The following ADAMTS18 variants were observed in gnomAD, a reference collection of about 807,000 sequenced individuals.
ADAMTS18 encodes A disintegrin and metalloproteinase with thrombospondin motifs 18.
In ADAMTS18, 157 loss-of-function variants were observed where a neutral mutation model predicts 165.9. The ratio of observed to expected loss-of-function variants is 0.95; its 90% confidence interval spans 0.83 to 1.08. The LOEUF is 1.08. ADAMTS18 is among the 50% of genes least tolerant of loss of function. The pLI is 0.00. For missense variants in ADAMTS18, 2,040 were observed against 1,534.0 expected (o/e 1.33, Z -5.51); for synonymous variants, 782 against 578.2 (o/e 1.35, Z -5.06).
At chr16:77,408,157 G>A (rs1313263056) in intron 3 of ADAMTS18, among the ~76,000 whole-genome samples, 16 of 152,044 alleles carry the variant, frequency 1.1e-4, no homozygotes, top group Admixed American at 1.0e-3. Flanking sequence ...TTTACTATAT[G>A]ATATACCAAG....
At chr16:77,370,686 G>A (rs567944278) in intron 3 of ADAMTS18, among the ~76,000 whole-genome samples, 2 of 152,134 alleles carry the variant, frequency 1.3e-5, no homozygotes, top group African/African-American at 4.8e-5. Context: ...GGAGGCGGAG[G>A]TTACAGTGAG....
intron 16 of ADAMTS18, among the ~76,000 whole-genome samples, chr16:77,301,543 T>G (rs756702500): frequency 5.3e-5 from 8 of 152,236 alleles, no homozygotes; most frequent in Non-Finnish European, 8.8e-5. Flanking sequence ...TCTTTACCAC[T>G]AGAACTGGGC....
chr16:77,423,606 C>T (rs972215065), intron 3 of ADAMTS18, among the ~76,000 whole-genome samples: 7 of 152,092 alleles, frequency 4.6e-5, no homozygotes, highest in African/African-American at 7.2e-5. Context: ...CCCTGTGTTA[C>T]GTAGCTAGCA....
chr16:77,344,690 C>T (rs2056449570), intron 10 of ADAMTS18, among the ~76,000 whole-genome samples: 1 of 151,880 alleles, frequency 6.6e-6, no homozygotes, highest in South Asian at 2.1e-4. Flanking sequence ...CAATGCCAAG[C>T]CACAGAACCA....
At position 77,371,164 on chromosome 16, in the gene ADAMTS18, G is replaced by A. The variant is rs929646481; in HGVS notation, c.496-3441C>T. 4.6e-5 allele frequency among the ~76,000 whole-genome samples: 7 copies of A among 151,930 alleles called. No individual in the cohort carries two copies. The East Asian group carries it at 1.2e-3, about 25-fold the overall frequency. ...TGAAAGGTGGAGGCTGCAGTGGGCC[G>A]AAATCATTCTATTGCACTCCAGTCT... On this transcript the variant is annotated intron_variant, in intron 3 of 22. Coordinates refer to ENST00000282849, the MANE Select transcript of ADAMTS18 (RefSeq NM_199355.4).
At chr16:77,431,208 G>A (rs1297490970) in intron 3 of ADAMTS18, 87 bp downstream of exon 3, 1 of 1,436,492 alleles carries the variant, frequency 7.0e-7, no homozygotes, top group Non-Finnish European at 9.8e-7. Flanking sequence ...GAGTTGGCTG[G>A]AAGAGCATTT....
chr16:77,288,682 T>C (rs1159722257), intron 22 of ADAMTS18, among the ~76,000 whole-genome samples: 6 of 152,242 alleles, frequency 3.9e-5, no homozygotes, highest in African/African-American at 2.4e-5. Context: ...ATATGGATTA[T>C]AGTTGTCTCC....
intron 3 of ADAMTS18, among the ~76,000 whole-genome samples, chr16:77,410,186 A>C (rs959601745): frequency 2.0e-5 from 3 of 152,058 alleles, no homozygotes; most frequent in Admixed American, 2.0e-4. Context: ...AATCAGATGT[A>C]GTCTCTTCTA....
intron 16 of ADAMTS18, among the ~76,000 whole-genome samples, chr16:77,311,216 G>A (rs2055774003): frequency 6.6e-6 from 1 of 152,122 alleles, no homozygotes; most frequent in Non-Finnish European, 1.5e-5. Context: ...ATAATTTTAG[G>A]TGGCCAAAAG....
intron 3 of ADAMTS18, among the ~76,000 whole-genome samples, chr16:77,385,435 C>A (rs1171646538): frequency 6.6e-6 from 1 of 152,190 alleles, no homozygotes; most frequent in Non-Finnish European, 1.5e-5. Context: ...GCATCTACCA[C>A]ATTTGCAAGA....
chr16:77,388,066 C>A (rs1338915209), intron 3 of ADAMTS18, among the ~76,000 whole-genome samples: 1 of 152,190 alleles, frequency 6.6e-6, no homozygotes, highest in Non-Finnish European at 1.5e-5. Context: ...GCTGTAGGCA[C>A]TACGCACTCT....
intron 3 of ADAMTS18, among the ~76,000 whole-genome samples, chr16:77,410,378 C>T (rs914866956): frequency 2.6e-5 from 4 of 151,598 alleles, no homozygotes; most frequent in Non-Finnish European, 5.9e-5. Context: ...TTCACTGATT[C>T]TCAAAATTTG....
chr16:77,423,599 T>C (rs1024702092), intron 3 of ADAMTS18, among the ~76,000 whole-genome samples: 2 of 152,202 alleles, frequency 1.3e-5, no homozygotes, highest in African/African-American at 4.8e-5. Flanking sequence ...GAGTTTTCCC[T>C]GTGTTACGTA....
chr16:77,311,117 A>G (rs2055772139), intron 16 of ADAMTS18, among the ~76,000 whole-genome samples: 1 of 152,214 alleles, frequency 6.6e-6, no homozygotes, highest in Admixed American at 6.5e-5. Flanking sequence ...AAAGAGGAAC[A>G]TTACTCTCAC....
chr16:77,289,274 A>G lies in ADAMTS18; in HGVS notation c.3540T>C (p.Pro1180=). Residue 1180 remains proline, a synonymous_variant, in exon 22 of 23, where the codon CCT becomes CCC. Transcript: ENST00000282849. ...RACNTNFCPA[P]EKREDPSCVD... ...ATGGTGCCTTTTTACCTCTCTTTTCAGGAGCTGGACAGAAGTTTGTATTAC... is the reference window on the plus strand; with the variant it reads ...ATGGTGCCTTTTTACCTCTCTTTTCGGGAGCTGGACAGAAGTTTGTATTAC... 1 of 1,614,136 alleles carries G rather than the reference A, an allele frequency of 6.2e-7. No homozygotes were observed. The highest frequency in any genetic ancestry group is 1.1e-5 in the South Asian group (1 of 91,076).
At chr16:77,380,756 C>G (rs1367652122) in intron 3 of ADAMTS18, among the ~76,000 whole-genome samples, 1 of 152,208 alleles carries the variant, frequency 6.6e-6, no homozygotes. Flanking sequence ...CTTCCTTTAA[C>G]ATACCCATCT....
chr16:77,322,645 C>T (rs1302054258), intron 13 of ADAMTS18, among the ~76,000 whole-genome samples, 179 bp from the exon 14 acceptor site: 1 of 152,160 alleles, frequency 6.6e-6, no homozygotes, highest in Non-Finnish European at 1.5e-5. Flanking sequence ...TCCCATGTAA[C>T]AATCCATATA....
chr16:77,387,448 C>T (rs900030052), intron 3 of ADAMTS18, among the ~76,000 whole-genome samples: 1 of 152,188 alleles, frequency 6.6e-6, no homozygotes, highest in Non-Finnish European at 1.5e-5. Context: ...AGATAACCAG[C>T]TTCTTGGAAA....
Position 77,353,814 on chromosome 16 carries a change from T to G in ADAMTS18, c.1533A>C (p.Pro511=). The G allele has an allele frequency of 6.2e-7, 1 of 1,614,212 alleles. No individual in the cohort carries two copies. The highest frequency in any genetic ancestry group is 2.2e-5 in the East Asian group (1 of 44,876). Reference sequence around the variant, plus strand: ...GTGTGTCAGCATCATAAATCTGTCCTGGTAGTTTGTCCGGATATTTATACT... The same window carrying G: ...GTGTGTCAGCATCATAAATCTGTCCGGGTAGTTTGTCCGGATATTTATACT... The part of the protein sequence containing the change: ...AGQYKYPDKL[P]GQIYDADTQC... The change falls in exon 10 of 23, where the codon CCA becomes CCC. Residue 511 remains proline (P), a synonymous_variant. Coordinates refer to ENST00000282849, the MANE Select transcript of ADAMTS18 (RefSeq NM_199355.4).
Sources: gnomAD v4.1 joint callset for allele counts (sites outside exome capture counted in the v4.1 genomes callset) on GRCh38, gnomAD v4.1.1 for gene constraint, MANE v1.5 for transcripts, NCBI Gene and HGNC (gene_info 2026-07-23, HGNC 2026-07-21) for gene names.